Variants in DCC observed in about 807,000 individuals in gnomAD.
DCC encodes the protein netrin receptor DCC.
A neutral mutation model predicts 172.5 loss-of-function variants in DCC; 58 were observed. The observed-to-expected ratio is 0.34, with a 90% CI of 0.27 to 0.42. The LOEUF is 0.42. Ranked by LOEUF, DCC falls within the 10% of genes least tolerant of loss-of-function variation. DCC has a pLI of 1.00. For synonymous variants in DCC, 709 were observed against 644.5 expected, an observed-to-expected ratio of 1.10 and a Z score of -1.52; for missense variants, 1,740 against 1,791.0, an observed-to-expected ratio of 0.97 and a Z score of 0.51.
chr18:52,889,460 C>A (rs1010756336), intron 2 of DCC, among the ~76,000 whole-genome samples: 1 of 152,076 alleles, frequency 6.6e-6, no homozygotes, highest in South Asian at 2.1e-4. Flanking sequence ...TACAAAACAA[C>A]TGAAGTCTCA....
chr18:52,509,972 A>G (rs1039456946), intron 1 of DCC, among the ~76,000 whole-genome samples: 2 of 152,118 alleles, frequency 1.3e-5, no homozygotes, highest in African/African-American at 4.8e-5. Context: ...GCGTGGTGGC[A>G]GACACCTAGT....
intron 15 of DCC, among the ~76,000 whole-genome samples, chr18:53,372,626 A>G (rs547716558): frequency 2.6e-5 from 4 of 152,248 alleles, no homozygotes; most frequent in African/African-American, 9.6e-5. Flanking sequence ...AATCAACTAT[A>G]TATGTATTAA....
At chr18:52,901,432 A>AAAAT (rs145752908) in intron 2 of DCC, among the ~76,000 whole-genome samples, 4,924 of 151,876 alleles carry the variant, frequency 0.032, 283 homozygotes, top group African/African-American at 0.11. Context: ...ACTCGGGCTC[A>AAAAT]AAATAAATAA....
chr18:53,492,033 G>A (rs968956762), intron 26 of DCC, among the ~76,000 whole-genome samples: 13 of 151,990 alleles, frequency 8.6e-5, no homozygotes, highest in Admixed American at 1.3e-4. Context: ...ATCTCATTGC[G>A]GTTTTGATTT....
chr18:52,979,019 A>C (rs1238515627), intron 5 of DCC, among the ~76,000 whole-genome samples: 1 of 151,980 alleles, frequency 6.6e-6, no homozygotes, highest in East Asian at 1.9e-4. Flanking sequence ...GTGCTGTAAT[A>C]ACATGCAGGT....
chr18:52,968,497 C>T (rs748494875), intron 5 of DCC, among the ~76,000 whole-genome samples: 1 of 152,120 alleles, frequency 6.6e-6, no homozygotes, highest in Non-Finnish European at 1.5e-5. Flanking sequence ...TATCCTTTCC[C>T]TCTGTTACTA....
chr18:53,409,097 C>A (rs1310155524), intron 19 of DCC, among the ~76,000 whole-genome samples: 6 of 151,950 alleles, frequency 3.9e-5, no homozygotes, highest in Admixed American at 3.9e-4. Context: ...TTAAAGTAGA[C>A]CTTAATGGAT....
At chr18:52,403,582 C>T (rs781311539) in intron 1 of DCC, among the ~76,000 whole-genome samples, 2 of 151,946 alleles carry the variant, frequency 1.3e-5, no homozygotes, top group Non-Finnish European at 1.5e-5. Flanking sequence ...TCATTTTCCC[C>T]ACCACATTCT....
intron 2 of DCC, among the ~76,000 whole-genome samples, chr18:52,798,963 G>A (rs189259804): frequency 6.6e-6 from 1 of 151,964 alleles, no homozygotes; most frequent in Admixed American, 6.6e-5. Flanking sequence ...TGGCCAGGCT[G>A]GTCTCGAACT....
intron 1 of DCC, among the ~76,000 whole-genome samples, chr18:52,608,088 A>G (rs568652053): frequency 1.3e-5 from 2 of 152,098 alleles, no homozygotes; most frequent in African/African-American, 4.8e-5. Context: ...CTGATGCTCT[A>G]TCTCCCTTCT....
chr18:52,909,993 G>A (rs62099018), intron 3 of DCC, among the ~76,000 whole-genome samples: 12 of 152,242 alleles, frequency 7.9e-5, no homozygotes, highest in Admixed American at 6.6e-4. Context: ...CTTTTCAGGC[G>A]AACTGTATAT....
intron 2 of DCC, among the ~76,000 whole-genome samples, chr18:52,844,246 C>A (rs780706484): frequency 6.6e-6 from 1 of 152,076 alleles, no homozygotes; most frequent in Non-Finnish European, 1.5e-5. Flanking sequence ...CCTAGTTAGG[C>A]AAATGCATCA....
chr18:52,661,495 G>A (rs34361155), intron 1 of DCC, among the ~76,000 whole-genome samples: 6,214 of 152,270 alleles, frequency 0.041, 156 homozygotes, highest in Middle Eastern at 0.14. Flanking sequence ...TCCCACAGCC[G>A]TCGCTATCCT....
intron 2 of DCC, among the ~76,000 whole-genome samples, chr18:52,860,829 C>T (rs2039130010): frequency 6.6e-6 from 1 of 151,984 alleles, no homozygotes; most frequent in Non-Finnish European, 1.5e-5. Flanking sequence ...GGAACCCCAT[C>T]TCTACTAAAA....
intron 1 of DCC, among the ~76,000 whole-genome samples, chr18:52,626,383 T>TTTTTTTAAG (rs2034573755): frequency 1.3e-5 from 2 of 152,174 alleles, no homozygotes; most frequent in African/African-American, 4.8e-5. Flanking sequence ...ATTTTATGCC[T>TTTTTTTAAG]AGCCTGACCC....
intron 5 of DCC, among the ~76,000 whole-genome samples, chr18:53,010,472 T>C (rs2041711581): frequency 6.6e-6 from 1 of 151,664 alleles, no homozygotes; most frequent in South Asian, 2.1e-4. Context: ...TACTATTAAA[T>C]AGAATTACTC....
At chr18:53,252,630 C>T (rs2056452708) in intron 12 of DCC, among the ~76,000 whole-genome samples, 1 of 151,894 alleles carries the variant, frequency 6.6e-6, no homozygotes, top group African/African-American at 2.4e-5. Flanking sequence ...CACCAAGCAT[C>T]TTTCTTGTTA....
intron 15 of DCC, among the ~76,000 whole-genome samples, chr18:53,368,924 T>G: frequency 6.6e-6 from 1 of 152,012 alleles, no homozygotes; most frequent in East Asian, 1.9e-4. Context: ...CTATTTGGAC[T>G]CCTTTAAGAT....
intron 1 of DCC, among the ~76,000 whole-genome samples, chr18:52,414,199 G>GC (rs1403111626): frequency 6.6e-6 from 1 of 152,040 alleles, no homozygotes; most frequent in East Asian, 1.9e-4. Context: ...TCCTGCCTCA[G>GC]CCCCCCAAGT....
Sources: gnomAD v4.1 joint callset for allele counts (sites outside exome capture counted in the v4.1 genomes callset) on GRCh38, gnomAD v4.1.1 for gene constraint, MANE v1.5 for transcripts, NCBI Gene and HGNC (gene_info 2026-07-23, HGNC 2026-07-21) for gene names.